The following NXPE4 variants were observed in gnomAD, a reference collection of about 807,000 sequenced individuals.
NXPE4 encodes the protein NXPE family member 4.
A neutral mutation model predicts 33.3 loss-of-function variants in NXPE4; 42 were observed. That is an observed-to-expected ratio of 1.26 (90% CI 0.98 to 1.63). NXPE4 has a LOEUF of 1.63. Ranked by LOEUF, NXPE4 falls within the 40% of genes most tolerant of loss-of-function variation. The pLI is 0.00. For synonymous variants in NXPE4, 253 were observed against 234.9 expected (o/e 1.08, Z -0.71); for missense variants, 709 against 647.6 (o/e 1.09, Z -1.03).
At chr11:114,621,879 T>C in the NXPE4 span, among the ~76,000 whole-genome samples, 12 of 151,924 alleles carry the variant, frequency 7.9e-5, no homozygotes, top group Non-Finnish European at 1.3e-4. Flanking sequence ...ACCTGCTGGA[T>C]AATAAGTATT....
intron 2 of NXPE4, among the ~76,000 whole-genome samples, chr11:114,592,470 T>C (rs1485600770): frequency 6.6e-6 from 1 of 151,760 alleles, no homozygotes; most frequent in African/African-American, 2.4e-5. Flanking sequence ...AGGTGAAAGA[T>C]CTCTACAATG....
intron 2 of NXPE4, among the ~76,000 whole-genome samples, chr11:114,587,670 G>C (rs1949339878): frequency 1.3e-5 from 2 of 152,168 alleles, no homozygotes; most frequent in African/African-American, 4.8e-5. Context: ...AGGGAAAACA[G>C]TTGGGGGGAT....
chr11:114,575,956 T>C (rs1282078304), intron 5 of NXPE4, among the ~76,000 whole-genome samples: 3 of 151,990 alleles, frequency 2.0e-5, no homozygotes, highest in Admixed American at 6.6e-5. Flanking sequence ...AACTATACTA[T>C]AAGGCCATAG....
At position 114,581,827 on chromosome 11, in the gene NXPE4, C is replaced by T. The variant is rs1325750284; in HGVS notation, c.831-41G>A. 5.0e-6 allele frequency: 7 copies of T among 1,398,758 alleles called. No homozygotes were observed. The East Asian group carries it at 1.6e-4, about 32-fold the overall frequency. The allele number at this position is 1,398,758 out of a possible 1,614,324, so 86.6% of individuals were successfully genotyped here. ...ACAGAAATTAATCTGTAGGTGGCCT[C>T]AAATCAGGAAACATACAGAAACTAG... is the stretch of plus-strand genomic sequence containing the variant. On this transcript the variant is annotated intron_variant, in intron 3 of 5. Coordinates refer to ENST00000375478, the MANE Select transcript of NXPE4 (RefSeq NM_001077639.2).
the NXPE4 span, among the ~76,000 whole-genome samples, chr11:114,650,173 C>A: frequency 6.6e-6 from 1 of 152,160 alleles, no homozygotes; most frequent in African/African-American, 2.4e-5. Context: ...TAAAGAGGAA[C>A]AAGCCCTTTC....
At chr11:114,602,226 A>G in the NXPE4 span, among the ~76,000 whole-genome samples, 4 of 107,590 alleles carry the variant, frequency 3.7e-5, no homozygotes, top group African/African-American at 1.5e-4. Context: ...TATGTTATAG[A>G]TTATATATTA....
At chr11:114,663,634 TATC>T in the NXPE4 span, among the ~76,000 whole-genome samples, 1,187 of 57,520 alleles carry the variant, frequency 0.021, 10 homozygotes, top group South Asian at 0.064. Context: ...TCTATCTATC[TATC>T]ATCTATCCAT....
the NXPE4 span, among the ~76,000 whole-genome samples, chr11:114,677,361 A>G: frequency 6.6e-6 from 1 of 152,114 alleles, no homozygotes; most frequent in Admixed American, 6.6e-5. Flanking sequence ...ATGTCTGCAT[A>G]CATCAAAACA....
chr11:114,609,703 G>A, the NXPE4 span, among the ~76,000 whole-genome samples: 1 of 151,268 alleles, frequency 6.6e-6, no homozygotes, highest in African/African-American at 2.4e-5. Flanking sequence ...GGTAACCACT[G>A]TTACCCGGTG....
rs200222353 is a variant in NXPE4 at position 114,577,086 on chromosome 11, CATAT to C, written c.1099+3042_1099+3045del. Among the ~76,000 whole-genome samples, 21 of 118,998 alleles carry C rather than the reference CATAT, an allele frequency of 1.8e-4. 1 individual carries two copies. Among genetic ancestry groups the C allele is most frequent in the African/African-American group, 6.4e-4 (21 of 32,614 alleles). The allele number at this position is 118,998 out of a possible 152,430, so 78.1% of individuals were successfully genotyped here. A position where few individuals can be genotyped will look rare whatever the true frequency, so the allele number is the denominator to read the frequency against. ...ATATATATATAAAGTTATATATATA[CATAT>C]ATATATAAAGTTATATATATACACA... is the stretch of plus-strand genomic sequence containing the variant. On this transcript the variant is annotated intron_variant, in intron 5 of 5. Transcript: ENST00000375478.
the NXPE4 span, among the ~76,000 whole-genome samples, chr11:114,639,880 A>AT: frequency 3.7e-5 from 2 of 53,844 alleles, no homozygotes; most frequent in African/African-American, 9.9e-5. Flanking sequence ...ATTAAATATA[A>AT]AATATGTTAT....
At chr11:114,605,589 C>T in the NXPE4 span, among the ~76,000 whole-genome samples, 28 of 151,160 alleles carry the variant, frequency 1.9e-4, no homozygotes, top group East Asian at 3.1e-3. Flanking sequence ...AGTATTGCCT[C>T]GTCGGTAACC....
intron 1 of NXPE4, 57 bp from the exon 2 acceptor site, chr11:114,594,826 A>C (rs1949543714): frequency 1.1e-6 from 1 of 903,310 alleles, no homozygotes; most frequent in Non-Finnish European, 1.7e-6. Flanking sequence ...AGAAAAGCAA[A>C]CAAACATGGG....
At chr11:114,593,933 CTT>C (rs1234404730) in intron 2 of NXPE4, among the ~76,000 whole-genome samples, 2 of 152,046 alleles carry the variant, frequency 1.3e-5, no homozygotes, top group Admixed American at 6.6e-5. Context: ...AGAAGACAAA[CTT>C]TGCATGTTCG....
At chr11:114,664,391 T>C in the NXPE4 span, among the ~76,000 whole-genome samples, 1 of 152,190 alleles carries the variant, frequency 6.6e-6, no homozygotes, top group Non-Finnish European at 1.5e-5. Flanking sequence ...GTAGTGGAAT[T>C]ATTCTCTATC....
the NXPE4 span, among the ~76,000 whole-genome samples, chr11:114,615,130 A>G: frequency 6.6e-6 from 1 of 151,956 alleles, no homozygotes; most frequent in Non-Finnish European, 1.5e-5. Flanking sequence ...CAGGTGCATA[A>G]TAAGTGTTAC....
chr11:114,677,345 T>C, the NXPE4 span, among the ~76,000 whole-genome samples: 2 of 152,230 alleles, frequency 1.3e-5, no homozygotes, highest in Admixed American at 1.3e-4. Context: ...TAGTAATCAC[T>C]TCACAATGTC....
intron 3 of NXPE4, 46 bp downstream of exon 3, chr11:114,582,242 A>G (rs1949162546): frequency 1.3e-6 from 2 of 1,522,942 alleles, no homozygotes; most frequent in Admixed American, 2.2e-5. Context: ...ATATAGGCCA[A>G]ATCACAATAT....
At chr11:114,669,750 C>T in the NXPE4 span, among the ~76,000 whole-genome samples, 1 of 151,946 alleles carries the variant, frequency 6.6e-6, no homozygotes, top group Admixed American at 6.6e-5. Flanking sequence ...AGGGCACTGA[C>T]TTTATTTGGA....
Sources: gnomAD v4.1 joint callset for allele counts (sites outside exome capture counted in the v4.1 genomes callset) on GRCh38, gnomAD v4.1.1 for gene constraint, MANE v1.5 for transcripts, NCBI Gene and HGNC (gene_info 2026-07-23, HGNC 2026-07-21) for gene names.